The following ABTB3 variants were observed in gnomAD, a reference collection of about 807,000 sequenced individuals.
The protein encoded by ABTB3 is ankyrin repeat- and BTB/POZ domain-containing protein 3.
At chr12:107,376,132 C>T in the ABTB3 span, among the ~76,000 whole-genome samples, 1 of 152,164 alleles carries the variant, frequency 6.6e-6, no homozygotes, top group East Asian at 1.9e-4. Flanking sequence ...ATTTGCTCCC[C>T]TCCTCGAAGA....
At chr12:107,443,176 G>T in the ABTB3 span, among the ~76,000 whole-genome samples, 19 of 152,080 alleles carry the variant, frequency 1.2e-4, no homozygotes, top group Non-Finnish European at 2.4e-4. Context: ...CATAGCAGCA[G>T]CCATGTTCTA....
the ABTB3 span, among the ~76,000 whole-genome samples, chr12:107,469,916 TTCTTTCTCTCTCTCTC>T: frequency 7.6e-4 from 84 of 110,596 alleles, no homozygotes; most frequent in East Asian, 1.4e-3. Context: ...CTTTCTTTCT[TTCTTTCTCTCTCTCTC>T]TCTTTCTTTC....
chr12:107,319,215 C>T, the ABTB3 span: 2 of 1,582,090 alleles, frequency 1.3e-6, no homozygotes, highest in Non-Finnish European at 8.5e-7. Context: ...CGGCTGCTGC[C>T]GGACCTAGAC....
the ABTB3 span, chr12:107,319,094 T>C: frequency 5.0e-6 from 8 of 1,609,142 alleles, no homozygotes; most frequent in Admixed American, 8.4e-5. Context: ...CGGGAGCTGC[T>C]GGCCGCCTCT....
At chr12:107,463,188 G>T in the ABTB3 span, among the ~76,000 whole-genome samples, 1 of 150,138 alleles carries the variant, frequency 6.7e-6, no homozygotes, top group Non-Finnish European at 1.5e-5. Context: ...GTAATGATGG[G>T]TGATGATGAT....
At chr12:107,505,597 A>G in the ABTB3 span, among the ~76,000 whole-genome samples, 19 of 148,814 alleles carry the variant, frequency 1.3e-4, no homozygotes, top group African/African-American at 4.2e-4. Flanking sequence ...TTTTTTTTTT[A>G]AGTGGGGGTT....
At chr12:107,566,490 T>TA in the ABTB3 span, among the ~76,000 whole-genome samples, 4 of 152,144 alleles carry the variant, frequency 2.6e-5, no homozygotes, top group Admixed American at 1.3e-4. Flanking sequence ...GATAGCAATG[T>TA]AAAAAACATG....
chr12:107,422,508 C>G, the ABTB3 span, among the ~76,000 whole-genome samples: 2 of 152,140 alleles, frequency 1.3e-5, no homozygotes, highest in African/African-American at 4.8e-5. Flanking sequence ...GGAGAATAGG[C>G]TGTAGAAAGA....
the ABTB3 span, among the ~76,000 whole-genome samples, chr12:107,481,476 T>A: frequency 6.6e-6 from 1 of 152,138 alleles, no homozygotes; most frequent in South Asian, 2.1e-4. Flanking sequence ...GTTGTGGTCC[T>A]CTGTGCAAAC....
chr12:107,407,127 A>G, the ABTB3 span, among the ~76,000 whole-genome samples: 2 of 152,310 alleles, frequency 1.3e-5, no homozygotes, highest in African/African-American at 4.8e-5. Flanking sequence ...TTGCCCCTGT[A>G]TGACCTCGGG....
the ABTB3 span, among the ~76,000 whole-genome samples, chr12:107,471,262 A>G: frequency 6.6e-6 from 1 of 152,240 alleles, no homozygotes; most frequent in South Asian, 2.1e-4. Context: ...CAAGGCACAA[A>G]GAAGTGAAGT....
the ABTB3 span, among the ~76,000 whole-genome samples, chr12:107,458,785 C>A: frequency 1.2e-4 from 19 of 152,166 alleles, no homozygotes; most frequent in Admixed American, 8.5e-4. Context: ...CACCAGCTTA[C>A]CTGCTACTTC....
the ABTB3 span, among the ~76,000 whole-genome samples, chr12:107,596,643 A>G: frequency 6.6e-6 from 1 of 152,062 alleles, no homozygotes; most frequent in South Asian, 2.1e-4. Context: ...ACAACCAAAA[A>G]ATAGTCTTCA....
the ABTB3 span, among the ~76,000 whole-genome samples, chr12:107,482,988 C>CTTTT: frequency 1.8e-4 from 2 of 11,148 alleles, no homozygotes; most frequent in Non-Finnish European, 2.9e-4. Context: ...TTCTTTCTTT[C>CTTTT]CTTCCTTCCT....
the ABTB3 span, chr12:107,658,758 C>T: frequency 6.1e-3 from 925 of 152,612 alleles, 6 homozygotes; most frequent in Non-Finnish European, 0.01. Flanking sequence ...GGGGGCAGCA[C>T]GTCAGAGAAT....
the ABTB3 span, among the ~76,000 whole-genome samples, chr12:107,582,563 C>T: frequency 7.9e-5 from 12 of 152,214 alleles, no homozygotes; most frequent in African/African-American, 1.2e-4. Flanking sequence ...GGCGAGGGAA[C>T]GGTCATTCAC....
the ABTB3 span, among the ~76,000 whole-genome samples, chr12:107,534,282 T>C: frequency 7.9e-5 from 12 of 151,514 alleles, no homozygotes; most frequent in Admixed American, 3.3e-4. Flanking sequence ...CCAAGATCTA[T>C]AGTATACACA....
the ABTB3 span, chr12:107,319,586 G>A: frequency 6.5e-7 from 1 of 1,538,676 alleles, no homozygotes; most frequent in South Asian, 1.2e-5. Context: ...CGTGGGCCGC[G>A]TGTATCGCTG....
chr12:107,568,096 G>A, the ABTB3 span, among the ~76,000 whole-genome samples: 1 of 152,116 alleles, frequency 6.6e-6, no homozygotes, highest in East Asian at 1.9e-4. Context: ...ACTGGTCTTT[G>A]GAGAAGCAAT....
Sources: gnomAD v4.1 joint callset for allele counts (sites outside exome capture counted in the v4.1 genomes callset) on GRCh38, gnomAD v4.1.1 for gene constraint, MANE v1.5 for transcripts, NCBI Gene and HGNC (gene_info 2026-07-23, HGNC 2026-07-21) for gene names.